The following CNTN4 variants were observed in gnomAD, a reference collection of about 807,000 sequenced individuals.
The protein encoded by CNTN4 is contactin-4.
In CNTN4, 77 loss-of-function variants were observed where a neutral mutation model predicts 122.5. The observed-to-expected ratio is 0.63, with a 90% CI of 0.52 to 0.76. CNTN4 has a LOEUF of 0.76. CNTN4 is among the 30% of genes least tolerant of loss of function. CNTN4 has a pLI of 0.00. For missense variants in CNTN4, 1,256 were observed against 1,259.1 expected (o/e 1.00, Z 0.04); for synonymous variants, 512 against 447.0 (o/e 1.15, Z -1.83).
chr3:2,984,236 G>A (rs1031917891), intron 13 of CNTN4, among the ~76,000 whole-genome samples: 26 of 152,194 alleles, frequency 1.7e-4, no homozygotes, highest in African/African-American at 6.0e-4. Flanking sequence ...GGAAATGATG[G>A]TGGGGAAAAC....
intron 4 of CNTN4, among the ~76,000 whole-genome samples, chr3:2,617,771 G>A (rs1008641089): frequency 6.6e-6 from 1 of 151,664 alleles, no homozygotes; most frequent in Non-Finnish European, 1.5e-5. Flanking sequence ...GCTAATTCAA[G>A]GAATACAAGG....
intron 6 of CNTN4, among the ~76,000 whole-genome samples, chr3:2,815,038 A>T (rs2092696100): frequency 6.6e-6 from 1 of 152,164 alleles, no homozygotes. Flanking sequence ...AAGGCTTTGG[A>T]GATAAAATGA....
At chr3:2,395,116 A>G (rs2046594538) in intron 3 of CNTN4, among the ~76,000 whole-genome samples, 1 of 152,166 alleles carries the variant, frequency 6.6e-6, no homozygotes, top group African/African-American at 2.4e-5. Flanking sequence ...TCAAAGTAGC[A>G]AAAATGGAAA....
chr3:2,221,282 A>G (rs1481953641), intron 2 of CNTN4, among the ~76,000 whole-genome samples: 3 of 152,060 alleles, frequency 2.0e-5, no homozygotes, highest in Non-Finnish European at 4.4e-5. Context: ...AAGTCTGAAA[A>G]CTTCTGCATT....
intron 3 of CNTN4, among the ~76,000 whole-genome samples, chr3:2,391,234 G>A (rs2046431334): frequency 6.6e-6 from 1 of 152,166 alleles, no homozygotes; most frequent in Non-Finnish European, 1.5e-5. Flanking sequence ...AATGACTGAA[G>A]CATAAGAGTG....
At chr3:2,323,051 T>C (rs2150224564) in intron 2 of CNTN4, among the ~76,000 whole-genome samples, 1 of 152,256 alleles carries the variant, frequency 6.6e-6, no homozygotes, top group South Asian at 2.1e-4. Context: ...GAGCCTCAGC[T>C]TGATAAGCAA....
chr3:2,181,686 A>G (rs1465044257), intron 2 of CNTN4, among the ~76,000 whole-genome samples: 1 of 152,108 alleles, frequency 6.6e-6, no homozygotes, highest in Non-Finnish European at 1.5e-5. Context: ...TTCATCACTG[A>G]TGGATTAGTA....
At chr3:2,678,833 A>G (rs933890455) in intron 4 of CNTN4, among the ~76,000 whole-genome samples, 3 of 152,188 alleles carry the variant, frequency 2.0e-5, no homozygotes, top group Non-Finnish European at 2.9e-5. Context: ...GTAGGACTGC[A>G]TGGCTTTTCT....
intron 2 of CNTN4, among the ~76,000 whole-genome samples, chr3:2,154,998 A>G (rs2035657008): frequency 6.6e-6 from 1 of 152,218 alleles, no homozygotes; most frequent in African/African-American, 2.4e-5. Context: ...AACCTCTCCC[A>G]TCATCCATCT....
intron 2 of CNTN4, among the ~76,000 whole-genome samples, chr3:2,212,038 A>G (rs971247957): frequency 2.0e-5 from 3 of 152,174 alleles, no homozygotes; most frequent in Non-Finnish European, 2.9e-5. Context: ...CAGTGGCACA[A>G]TCACAGCTCA....
At chr3:2,338,732 G>A (rs942862032) in intron 2 of CNTN4, among the ~76,000 whole-genome samples, 5 of 152,066 alleles carry the variant, frequency 3.3e-5, no homozygotes, top group South Asian at 2.1e-4. Flanking sequence ...TGTGAAGAGT[G>A]TTTGTTTTTG....
intron 13 of CNTN4, among the ~76,000 whole-genome samples, chr3:2,951,539 G>GTAAA (rs2094744961): frequency 6.6e-6 from 1 of 152,200 alleles, no homozygotes; most frequent in African/African-American, 2.4e-5. Context: ...GGGGACCCCT[G>GTAAA]TTCTAGACTA....
intron 2 of CNTN4, among the ~76,000 whole-genome samples, chr3:2,138,383 A>G (rs574732894): frequency 3.2e-4 from 48 of 151,432 alleles, no homozygotes; most frequent in African/African-American, 1.1e-3. Flanking sequence ...ATGTCTTCTT[A>G]TAGTGGGGGG....
intron 2 of CNTN4, among the ~76,000 whole-genome samples, chr3:2,254,312 C>T (rs1468150523): frequency 1.3e-5 from 2 of 152,058 alleles, no homozygotes; most frequent in Admixed American, 1.3e-4. Flanking sequence ...CGGGTTGGTT[C>T]CAAGTCTTTG....
chr3:2,783,654 G>C (rs67964438), intron 6 of CNTN4, among the ~76,000 whole-genome samples: 4,705 of 152,240 alleles, frequency 0.031, 92 homozygotes, highest in Non-Finnish European at 0.04. Context: ...TATTTTAGTG[G>C]TGAAATGTTT....
In CNTN4 at chr3:2,337,488, AATTT is replaced by A. The variant is rs537280162; in HGVS notation, c.-144-1689_-144-1686del. Among the ~76,000 whole-genome samples, 13 of 152,176 alleles carry A rather than the reference AATTT, an allele frequency of 8.5e-5. No individual in the cohort carries two copies. In the East Asian group the frequency reaches 2.5e-3, roughly 29 times the overall value. On this transcript the variant is annotated intron_variant, in intron 2 of 24. Transcript: ENST00000418658. The stretch of plus-strand genomic sequence containing the variant: ...GTCTGCATTATGTAATTTAATTATT[AATTT>A]GAGGATTGAAATAATCCTTTGAGGA...
chr3:2,483,699 C>A (rs1229888376), intron 3 of CNTN4, among the ~76,000 whole-genome samples: 1 of 152,160 alleles, frequency 6.6e-6, no homozygotes, highest in Non-Finnish European at 1.5e-5. Flanking sequence ...GGCATTTCCC[C>A]TGCTGGCATG....
intron 23 of CNTN4, among the ~76,000 whole-genome samples, chr3:3,048,325 G>A: frequency 6.6e-6 from 1 of 152,142 alleles, no homozygotes; most frequent in Middle Eastern, 3.4e-3. Flanking sequence ...CATTATATTA[G>A]GTATTATGAG....
chr3:2,568,011 G>A (rs768317886), intron 3 of CNTN4, among the ~76,000 whole-genome samples: 66 of 152,152 alleles, frequency 4.3e-4, no homozygotes, highest in Non-Finnish European at 7.6e-4. Flanking sequence ...GACAAGACCC[G>A]CACCTCCCTA....
Sources: gnomAD v4.1 joint callset for allele counts (sites outside exome capture counted in the v4.1 genomes callset) on GRCh38, gnomAD v4.1.1 for gene constraint, MANE v1.5 for transcripts, NCBI Gene and HGNC (gene_info 2026-07-23, HGNC 2026-07-21) for gene names.